Variants in AURKA observed in about 807,000 individuals in gnomAD.
AURKA encodes aurora kinase A.
AURKA carries 12 observed loss-of-function variants against 40.9 expected under a neutral mutation model. That is an observed-to-expected ratio of 0.29 (90% CI 0.19 to 0.48). AURKA has a LOEUF of 0.48. Among genes scored for constraint, AURKA ranks in the 20% least tolerant of loss-of-function variants. AURKA has a pLI of 0.99. For synonymous variants in AURKA, 170 were observed against 164.3 expected (o/e 1.03, Z -0.26); for missense variants, 322 against 462.1 (o/e 0.70, Z 2.78).
chr20:56,385,982 G>A (rs1986307370), intron 3 of AURKA, among the ~76,000 whole-genome samples: 1 of 152,140 alleles, frequency 6.6e-6, no homozygotes, highest in South Asian at 2.1e-4. Context: ...CCTACATCCA[G>A]ACTCAGTAAC....
chr20:56,390,289 C>G lies in AURKA; in HGVS notation c.-6+1879G>C, dbSNP rs2146221564. 2.0e-5 allele frequency among the ~76,000 whole-genome samples: 3 copies of G among 150,482 alleles called. No homozygotes were observed. In the Middle Eastern group the frequency reaches 0.01, roughly 523 times the overall value. ...TTTTCCCCCAGGTGTGTAGTTCAGT[C>G]TTTCATTTCACTGAGGTTTCTTTTT... On this transcript the variant is annotated intron_variant, in intron 1 of 8. Coordinates refer to ENST00000395915, the MANE Select transcript of AURKA (RefSeq NM_198437.3).
At chr20:56,391,982 G>C (rs1346477681) in intron 1 of AURKA, 186 bp downstream of exon 1, 2 of 151,046 alleles carry the variant, frequency 1.3e-5, no homozygotes, top group Non-Finnish European at 2.9e-5. Context: ...CCTACAGGGC[G>C]CCTCGGTGCC....
intron 6 of AURKA, 79 bp downstream of exon 6, chr20:56,381,354 A>G (rs2033345618): frequency 4.5e-6 from 7 of 1,563,180 alleles, no homozygotes; most frequent in Non-Finnish European, 6.1e-6. Context: ...AACCCACTCT[A>G]CTATGATGAA....
chr20:56,382,482 G>A (rs1422811314), intron 5 of AURKA, among the ~76,000 whole-genome samples: 3 of 152,180 alleles, frequency 2.0e-5, no homozygotes, highest in Admixed American at 6.5e-5. Context: ...CCCACCAGCC[G>A]TAGTCAACCT....
rs145774699 is a variant in AURKA, at chr20:56,377,043, C to T, written c.706-3487G>A. Among the ~76,000 whole-genome samples the T allele has an allele frequency of 5.3e-5, 8 of 152,110 alleles. No homozygotes were observed. In the East Asian group the frequency reaches 1.4e-3, roughly 26 times the overall value. On this transcript the variant is annotated intron_variant, in intron 6 of 8. Coordinates refer to ENST00000395915, the MANE Select transcript of AURKA (RefSeq NM_198437.3). ...TGCAGTGAGCTGAGAACCAAGATCA[C>T]GTCACTGCCCTCCAGCCTGGGTGAC... is the stretch of plus-strand genomic sequence containing the variant.
intron 1 of AURKA, among the ~76,000 whole-genome samples, chr20:56,389,074 T>C (rs1424672345): frequency 2.0e-5 from 3 of 152,196 alleles, no homozygotes; most frequent in Non-Finnish European, 2.9e-5. Context: ...TCTGACAAGG[T>C]TGATCACATC....
intron 4 of AURKA, among the ~76,000 whole-genome samples, chr20:56,383,701 G>A (rs1000908473): frequency 1.3e-5 from 2 of 152,234 alleles, no homozygotes; most frequent in Non-Finnish European, 2.9e-5. Context: ...AGTGGATTTA[G>A]ACTCTTAGCC....
At chr20:56,384,224 A>G (rs763341364) in intron 4 of AURKA, 46 bp downstream of exon 4, 2 of 1,495,756 alleles carry the variant, frequency 1.3e-6, no homozygotes, top group Admixed American at 3.4e-5. Context: ...ACGAAATAAT[A>G]TATTCTAGTA....
intron 4 of AURKA, 91 bp downstream of exon 4, chr20:56,384,179 T>C (rs948611016): frequency 2.9e-6 from 3 of 1,023,672 alleles, no homozygotes; most frequent in Non-Finnish European, 3.0e-6. Context: ...AAAGGCCTCA[T>C]TTTTTTCCCC....
At chr20:56,387,159 T>G (rs914132588) in intron 2 of AURKA, among the ~76,000 whole-genome samples, 1 of 152,072 alleles carries the variant, frequency 6.6e-6, no homozygotes, top group Non-Finnish European at 1.5e-5. Flanking sequence ...AATGTATTAT[T>G]ATTATTATTT....
chr20:56,387,225 C>T (rs1229844163), intron 2 of AURKA, among the ~76,000 whole-genome samples: 3 of 152,304 alleles, frequency 2.0e-5, no homozygotes, highest in African/African-American at 7.2e-5. Context: ...ATGATCTCGG[C>T]TCACTGCAAC....
At position 56,373,648 on chromosome 20, in the gene AURKA, TTAACATGG is replaced by T; in HGVS notation, c.706-100_706-93del. 3 of 1,482,400 alleles carry T rather than the reference TTAACATGG, an allele frequency of 2.0e-6. No individual in the cohort carries two copies. In the South Asian group the frequency reaches 3.5e-5, roughly 17 times the overall value. 91.8% of individuals were successfully genotyped at this position (1,482,400 alleles called of 1,614,324 possible). ...CTTCCGAAAGGAACACAACATAGATTTAACATGGTTTGCAGGTTTTGGCCAGGCACAGT... is the reference window on the plus strand; with the variant it reads ...CTTCCGAAAGGAACACAACATAGATTTTTGCAGGTTTTGGCCAGGCACAGT... On this transcript the variant is annotated intron_variant, in intron 6 of 8. Transcript: ENST00000395915. The surrounding 1 kb of genome is among the most constrained non-coding windows in gnomAD (Gnocchi z 5.0).
chr20:56,390,271 C>G (rs1026212773), intron 1 of AURKA, among the ~76,000 whole-genome samples: 3 of 152,020 alleles, frequency 2.0e-5, no homozygotes, highest in African/African-American at 4.8e-5. Context: ...CGCTTTTCCC[C>G]CAGGTGTGTA....
At chr20:56,377,321 G>A (rs1985059716) in intron 6 of AURKA, among the ~76,000 whole-genome samples, 1 of 151,412 alleles carries the variant, frequency 6.6e-6, no homozygotes, top group African/African-American at 2.4e-5. Context: ...ACAGATAAGA[G>A]AACAAAAATA....
chr20:56,372,233 G>A (rs1474147061), intron 7 of AURKA, among the ~76,000 whole-genome samples: 1 of 152,166 alleles, frequency 6.6e-6, no homozygotes, highest in Non-Finnish European at 1.5e-5. Context: ...CCACTGAATT[G>A]TGACGTAGGA....
At chr20:56,391,345 C>T (rs1472194996) in intron 1 of AURKA, among the ~76,000 whole-genome samples, 2 of 152,220 alleles carry the variant, frequency 1.3e-5, no homozygotes, top group African/African-American at 2.4e-5. Flanking sequence ...CTACCTCAGC[C>T]GGATGGTTCT....
chr20:56,370,396 G>A, intron 8 of AURKA, 56 bp from the exon 9 acceptor site: 1 of 1,613,460 alleles, frequency 6.2e-7, no homozygotes, highest in South Asian at 1.1e-5. Context: ...AGATCAAATA[G>A]TATAGATGTT....
intron 1 of AURKA, among the ~76,000 whole-genome samples, chr20:56,389,138 G>T (rs1986736786): frequency 6.6e-6 from 1 of 152,098 alleles, no homozygotes; most frequent in South Asian, 2.1e-4. Flanking sequence ...TAGTCGTCCT[G>T]TCTTTCCCTC....
rs1345061207 is a variant in AURKA, at chr20:56,383,404, C to T, written c.375-228G>A. ...GAGAGTCAGTGACAAGGAGCAGTCTCGGGTTTTAGACCTGAAGCACTCTAT... is the reference window on the plus strand; with the variant it reads ...GAGAGTCAGTGACAAGGAGCAGTCTTGGGTTTTAGACCTGAAGCACTCTAT... On this transcript the variant is annotated intron_variant, in intron 4 of 8. Transcript: ENST00000395915. Among the ~76,000 whole-genome samples, 5 of 152,174 alleles carry T rather than the reference C, an allele frequency of 3.3e-5. No individual in the cohort carries two copies. The South Asian group carries it at 6.2e-4, about 19-fold the overall frequency.
Sources: allele counts gnomAD v4.1 joint callset (sites outside exome capture counted in the v4.1 genomes callset), GRCh38; gene constraint gnomAD v4.1.1; non-coding constraint Gnocchi (gnomAD v3.1); transcripts MANE v1.5; gene names NCBI Gene and HGNC (gene_info 2026-07-23, HGNC 2026-07-21).